The following CCSER1 variants were observed in gnomAD, a reference collection of about 807,000 sequenced individuals.
CCSER1 encodes coiled-coil serine rich protein 1.
In CCSER1, 41 loss-of-function variants were observed where a neutral mutation model predicts 82.0. That is an observed-to-expected ratio of 0.50 (90% CI 0.39 to 0.65). The LOEUF is 0.65. CCSER1 is among the 30% of genes least tolerant of loss of function. The pLI is 0.00. For missense variants in CCSER1, 1,119 were observed against 1,064.2 expected, an observed-to-expected ratio of 1.05 and a Z score of -0.72; for synonymous variants, 414 against 383.9, an observed-to-expected ratio of 1.08 and a Z score of -0.92.
At chr4:91,121,704 A>G (rs1727104867) in intron 10 of CCSER1, among the ~76,000 whole-genome samples, 1 of 151,672 alleles carries the variant, frequency 6.6e-6, no homozygotes, top group Admixed American at 6.6e-5. Flanking sequence ...ATACCAAGAA[A>G]TAATTTTTTA....
At chr4:91,380,026 G>C (rs142675437) in intron 10 of CCSER1, among the ~76,000 whole-genome samples, 1 of 152,130 alleles carries the variant, frequency 6.6e-6, no homozygotes, top group South Asian at 2.1e-4. Context: ...TTTAGGAGCA[G>C]GTTGTTCAGT....
intron 10 of CCSER1, among the ~76,000 whole-genome samples, chr4:91,403,427 T>A (rs1401521621): frequency 6.6e-6 from 1 of 152,004 alleles, no homozygotes; most frequent in Non-Finnish European, 1.5e-5. Flanking sequence ...ACTTGCAACA[T>A]TATGTTCAAT....
intron 5 of CCSER1, among the ~76,000 whole-genome samples, chr4:90,559,667 A>G (rs1778506091): frequency 6.6e-6 from 1 of 151,858 alleles, no homozygotes; most frequent in African/African-American, 2.4e-5. Flanking sequence ...CATAAAATAC[A>G]AAAGAAATAG....
intron 5 of CCSER1, among the ~76,000 whole-genome samples, chr4:90,581,110 A>G (rs904082343): frequency 3.9e-5 from 6 of 152,148 alleles, no homozygotes; most frequent in African/African-American, 1.4e-4. Flanking sequence ...ATGGCAACAA[A>G]TAAGAAACAA....
intron 10 of CCSER1, among the ~76,000 whole-genome samples, chr4:91,591,667 G>A (rs1482469455): frequency 3.3e-5 from 5 of 151,988 alleles, no homozygotes; most frequent in Non-Finnish European, 7.4e-5. Context: ...TATTTCAGAA[G>A]TTAAAATATT....
chr4:91,242,497 A>G (rs1341390373), intron 10 of CCSER1, among the ~76,000 whole-genome samples: 1 of 152,230 alleles, frequency 6.6e-6, no homozygotes, highest in Non-Finnish European at 1.5e-5. Flanking sequence ...AAATTATCTC[A>G]AAATGGATTA....
rs139372520 is a variant in CCSER1 at position 90,179,048 on chromosome 4, A to T, written c.-42+51217A>T. Among the ~76,000 whole-genome samples the T allele has an allele frequency of 6.0e-3, 907 of 152,296 alleles. 13 individuals are homozygous for T. The highest frequency in any genetic ancestry group is 0.021 in the African/African-American group (854 of 41,574). ...GATTGTTTTTTGGTTTCTGGAGATC[A>T]TCAGACTTCTGGTGATGCTGGTGTA... On this transcript the variant is annotated intron_variant, in intron 1 of 10. Transcript: ENST00000509176.
At chr4:91,227,025 T>C (rs1484972966) in intron 10 of CCSER1, among the ~76,000 whole-genome samples, 27 of 151,898 alleles carry the variant, frequency 1.8e-4, no homozygotes, top group Non-Finnish European at 1.5e-5. Context: ...CTGACATAAC[T>C]GCACACTCAA....
Position 91,120,525 on chromosome 4 carries a change from T to C in CCSER1, c.2217+34531T>C, listed in dbSNP as rs149046909. ...GCTAACTGTATAAGAATAAGGAATCTCAGAGGAAAGCTAAAACATGGGATG... is the reference window on the plus strand; with the variant it reads ...GCTAACTGTATAAGAATAAGGAATCCCAGAGGAAAGCTAAAACATGGGATG... On this transcript the variant is annotated intron_variant, in intron 10 of 10. Transcript: ENST00000509176. Among the ~76,000 whole-genome samples, 211 of 152,086 alleles carry C rather than the reference T, an allele frequency of 1.4e-3. 1 individual carries two copies. The highest frequency in any genetic ancestry group is 0.011 in the South Asian group (54 of 4,830).
chr4:91,190,744 C>T (rs1418090569), intron 10 of CCSER1, among the ~76,000 whole-genome samples: 2 of 152,108 alleles, frequency 1.3e-5, no homozygotes, highest in Non-Finnish European at 2.9e-5. Flanking sequence ...CATTGTCTTA[C>T]GGTTTCAAAA....
chr4:90,146,301 A>C (rs1725800245), intron 1 of CCSER1, among the ~76,000 whole-genome samples: 1 of 152,110 alleles, frequency 6.6e-6, no homozygotes, highest in African/African-American at 2.4e-5. Context: ...TAATATGTAA[A>C]GTCTCTTTAA....
intron 10 of CCSER1, among the ~76,000 whole-genome samples, chr4:91,413,286 G>C (rs570373261): frequency 6.6e-6 from 1 of 151,856 alleles, no homozygotes; most frequent in African/African-American, 2.4e-5. Context: ...CTACAAAAAT[G>C]TTAAAATTAA....
chr4:90,142,219 T>C (rs1724922942), intron 1 of CCSER1, among the ~76,000 whole-genome samples: 1 of 152,232 alleles, frequency 6.6e-6, no homozygotes, highest in Non-Finnish European at 1.5e-5. Context: ...TAAGGTCATG[T>C]AACTTAGAGC....
chr4:90,897,617 T>C (rs529955947), intron 8 of CCSER1, among the ~76,000 whole-genome samples: 1 of 152,156 alleles, frequency 6.6e-6, no homozygotes, highest in African/African-American at 2.4e-5. Flanking sequence ...AAGTGTCTTT[T>C]TGATGAAAAG....
chr4:90,256,877 A>G (rs1723394615), intron 1 of CCSER1, among the ~76,000 whole-genome samples: 1 of 152,172 alleles, frequency 6.6e-6, no homozygotes. Context: ...TCACATTTAT[A>G]TAACTTTTAT....
At chr4:91,234,457 A>T (rs894002016) in intron 10 of CCSER1, among the ~76,000 whole-genome samples, 1 of 152,122 alleles carries the variant, frequency 6.6e-6, no homozygotes, top group Non-Finnish European at 1.5e-5. Context: ...GAACAATTTT[A>T]ACCCCAGAGG....
Position 90,752,604 on chromosome 4 carries a change from G to C in CCSER1, c.2010+28613G>C, listed in dbSNP as rs563708468. On this transcript the variant is annotated intron_variant, in intron 7 of 10. Coordinates refer to ENST00000509176, the MANE Select transcript of CCSER1 (RefSeq NM_001145065.2). ...TTCTTCCTGGGAGGTGAAAGCGTTC[G>C]AGTTTGATCTGGAGTGATGTGAACC... is the stretch of plus-strand genomic sequence containing the variant. 2.6e-5 allele frequency among the ~76,000 whole-genome samples: 4 copies of C among 152,006 alleles called. No homozygotes were observed. The South Asian group carries it at 8.3e-4, about 31-fold the overall frequency.
At chr4:90,592,640 G>C (rs1212239684) in intron 5 of CCSER1, among the ~76,000 whole-genome samples, 1 of 152,042 alleles carries the variant, frequency 6.6e-6, no homozygotes, top group Non-Finnish European at 1.5e-5. Context: ...AACTGATGGT[G>C]ATTAATTGCC....
chr4:91,573,907 T>TA (rs1172142176), intron 10 of CCSER1, among the ~76,000 whole-genome samples: 6 of 152,092 alleles, frequency 3.9e-5, no homozygotes, highest in Admixed American at 3.9e-4. Flanking sequence ...CAATCCCACT[T>TA]AAAATTGCAT....
Sources: allele counts gnomAD v4.1 joint callset (sites outside exome capture counted in the v4.1 genomes callset), GRCh38; gene constraint gnomAD v4.1.1; transcripts MANE v1.5; gene names NCBI Gene and HGNC (gene_info 2026-07-23, HGNC 2026-07-21).